The following APAF1 variants were observed in gnomAD, a reference collection of about 807,000 sequenced individuals.
The protein encoded by APAF1 is apoptotic protease-activating factor 1.
APAF1 carries 91 observed loss-of-function variants against 152.4 expected under a neutral mutation model. The observed-to-expected ratio is 0.60, with a 90% CI of 0.50 to 0.71. The LOEUF (loss-of-function observed/expected upper bound fraction) is 0.71. Among genes scored for constraint, APAF1 ranks in the 30% least tolerant of loss-of-function variants. The pLI, the probability that APAF1 is intolerant of heterozygous loss-of-function variation, is 0.00. For missense variants in APAF1, 1,283 were observed against 1,472.0 expected (o/e 0.87, Z 2.10); for synonymous variants, 484 against 494.1 (o/e 0.98, Z 0.27).
At chr12:98,649,064 G>A in intron 3 of APAF1, 1 of 780,046 alleles carries the variant, frequency 1.3e-6, no homozygotes, top group South Asian at 2.0e-5. Flanking sequence ...GAGACAATAA[G>A]ACAATTTATA....
chr12:98,706,434 C>A, intron 18 of APAF1, 51 bp from the exon 19 acceptor site: 1 of 1,607,652 alleles, frequency 6.2e-7, no homozygotes, highest in Non-Finnish European at 8.5e-7. Flanking sequence ...TTTTTGCTCT[C>A]TTCAAAATGC....
chr12:98,682,269 G>A (rs1269067534), intron 14 of APAF1, among the ~76,000 whole-genome samples: 2 of 152,018 alleles, frequency 1.3e-5, no homozygotes, highest in African/African-American at 2.4e-5. Flanking sequence ...TAGCCAGGAT[G>A]GTGTTGATCT....
intron 22 of APAF1, among the ~76,000 whole-genome samples, chr12:98,721,072 T>C (rs2097741984): frequency 6.6e-6 from 1 of 152,174 alleles, no homozygotes; most frequent in South Asian, 2.1e-4. Context: ...AAATAGTCAA[T>C]GATAGAGACA....
At position 98,732,772 on chromosome 12, in the gene APAF1, C is replaced by T. The variant is rs147973432; in HGVS notation, c.*206C>T. 692 of 541,028 alleles carry T rather than the reference C, an allele frequency of 1.3e-3. 8 individuals are homozygous for T. The East Asian group carries it at 0.02, about 15-fold the overall frequency. The allele number at this position is 541,028 out of a possible 1,614,324, so 33.5% of individuals were successfully genotyped here. ...CTTTAATCTTGTTTTTCATGATCAT[C>T]ATTAACAGTTTGTCCTTAGGATGCA... On this transcript the variant is annotated 3_prime_UTR_variant, in exon 27 of 27. Coordinates refer to ENST00000551964, the MANE Select transcript of APAF1 (RefSeq NM_181861.2).
At chr12:98,703,569 T>C in intron 18 of APAF1, 70 bp downstream of exon 18, 1 of 1,587,908 alleles carries the variant, frequency 6.3e-7, no homozygotes, top group Admixed American at 1.7e-5. Context: ...AATGGGCAGC[T>C]TAAACCATTA....
Position 98,665,552 on chromosome 12 carries a change from G to A in APAF1, c.956-1G>A. ...ATAGTGACTTCATTTTTTTTTTAAA[G>A]GCTCTCCCCTTGTAGTATCTTTAAT... is the stretch of plus-strand genomic sequence containing the variant. On this transcript the variant is annotated splice_acceptor_variant, in intron 7 of 26. Transcript: ENST00000551964. LOFTEE classifies it high-confidence loss of function. 6.2e-7 allele frequency: 1 copy of A among 1,604,846 alleles called. No individual in the cohort carries two copies. The highest frequency in any genetic ancestry group is 1.1e-5 in the South Asian group (1 of 90,762).
intron 4 of APAF1, among the ~76,000 whole-genome samples, chr12:98,657,937 G>A (rs902675147): frequency 6.6e-6 from 1 of 152,166 alleles, no homozygotes; most frequent in Non-Finnish European, 1.5e-5. Flanking sequence ...ATAGATCTTT[G>A]TGCATATATA....
intron 20 of APAF1, among the ~76,000 whole-genome samples, chr12:98,712,015 C>G (rs3782558): frequency 0.5 from 76,396 of 151,990 alleles, 19,865 homozygotes; most frequent in Admixed American, 0.59. Context: ...TGGTGTGGAG[C>G]TAGCTGTGGG....
intron 22 of APAF1, among the ~76,000 whole-genome samples, chr12:98,720,514 C>A (rs4762505): frequency 0.9 from 136,289 of 152,274 alleles, 61,054 homozygotes; most frequent in African/African-American, 0.94. Context: ...TATTGCCAAA[C>A]TTTGAAGAAT....
intron 13 of APAF1, among the ~76,000 whole-genome samples, chr12:98,679,620 C>T (rs1456503100): frequency 6.6e-6 from 1 of 152,218 alleles, no homozygotes; most frequent in Non-Finnish European, 1.5e-5. Flanking sequence ...CTTCGGGGAG[C>T]CCAGACTTGG....
chr12:98,676,223 A>G (rs1331662863), intron 12 of APAF1, among the ~76,000 whole-genome samples: 1 of 151,994 alleles, frequency 6.6e-6, no homozygotes, highest in Non-Finnish European at 1.5e-5. Context: ...TTATTTATTT[A>G]TTTATTTAGA....
chr12:98,665,820 G>A (rs1231235179), intron 8 of APAF1, 29 bp downstream of exon 8: 3 of 1,491,342 alleles, frequency 2.0e-6, no homozygotes, highest in Admixed American at 1.7e-5. Context: ...CTCATCATTG[G>A]GTATTTATTG....
chr12:98,670,748 A>G (rs1448580289), intron 10 of APAF1: 1 of 367,704 alleles, frequency 2.7e-6, no homozygotes, highest in Non-Finnish European at 4.9e-6. Context: ...AATGTTTTCT[A>G]TTTTCTATTT....
intron 21 of APAF1, chr12:98,712,743 G>A (rs1367312096): frequency 1.3e-5 from 4 of 308,020 alleles, no homozygotes; most frequent in African/African-American, 8.8e-5. Flanking sequence ...CAAACTCCTG[G>A]GTTTAAGCGA....
At chr12:98,695,508 G>T (rs1305767198) in intron 16 of APAF1, among the ~76,000 whole-genome samples, 1 of 152,170 alleles carries the variant, frequency 6.6e-6, no homozygotes. Flanking sequence ...GGGACTACAG[G>T]TGTGCACCAC....
intron 5 of APAF1, among the ~76,000 whole-genome samples, chr12:98,661,007 A>G (rs2097664371): frequency 1.3e-5 from 2 of 152,294 alleles, no homozygotes; most frequent in African/African-American, 4.8e-5. Flanking sequence ...GGTTCAAGTG[A>G]TTCTCCTGCC....
rs146317828 is a variant in APAF1 at position 98,672,275 on chromosome 12, C to T, written c.1793+556C>T. On this transcript the variant is annotated intron_variant, in intron 12 of 26. Coordinates refer to ENST00000551964, the MANE Select transcript of APAF1 (RefSeq NM_181861.2). ...TGCCTCCCGGATTCAAACGATTCTC[C>T]TGCCTCAGCCTCCAAAGTAGCTGGG... is the stretch of plus-strand genomic sequence containing the variant. 3.0e-3 allele frequency among the ~76,000 whole-genome samples: 463 copies of T among 152,174 alleles called. 3 individuals are homozygous for T. Among genetic ancestry groups the T allele is most frequent in the African/African-American group, 0.011 (438 of 41,528 alleles).
chr12:98,723,846 A>C (rs2097746648), intron 24 of APAF1, 82 bp downstream of exon 24: 3 of 1,412,538 alleles, frequency 2.1e-6, no homozygotes, highest in Admixed American at 1.7e-5. Flanking sequence ...GCAAAAGGAC[A>C]TAACAGTTGC....
At chr12:98,659,450 G>A in intron 5 of APAF1, 107 bp downstream of exon 5, 3 of 1,229,592 alleles carry the variant, frequency 2.4e-6, no homozygotes, top group South Asian at 2.5e-5. Context: ...TCTATAGGGA[G>A]GATAAGAGAG....
Sources: allele counts gnomAD v4.1 joint callset (sites outside exome capture counted in the v4.1 genomes callset), GRCh38; gene constraint gnomAD v4.1.1; transcripts MANE v1.5; gene names NCBI Gene and HGNC (gene_info 2026-07-23, HGNC 2026-07-21).